RPSA2: variants seen among roughly 807,000 people sequenced by gnomAD.
RPSA2 encodes the protein ribosomal protein SA 2.
the RPSA2 span, among the ~76,000 whole-genome samples, chr19:23,761,921 T>TCTCTCTCTCTCTCTCGCTCTCTCTCTC: frequency 6.6e-4 from 50 of 76,192 alleles, 5 homozygotes; most frequent in Non-Finnish European, 9.6e-4. Flanking sequence ...TCTTTCTTTC[T>TCTCTCTCTCTCTCTCGCTCTCTCTCTC]TTTTTTTTTT....
At chr19:23,854,287 C>T in the RPSA2 span, among the ~76,000 whole-genome samples, 26 of 152,268 alleles carry the variant, frequency 1.7e-4, no homozygotes, top group Middle Eastern at 3.4e-3. Context: ...CAGTGACCCC[C>T]GTGGGGACAA....
At chr19:23,857,996 T>C in the RPSA2 span, among the ~76,000 whole-genome samples, 1 of 152,102 alleles carries the variant, frequency 6.6e-6, no homozygotes, top group African/African-American at 2.4e-5. Flanking sequence ...GAGAAAGCTT[T>C]TTTTTAAATT....
the RPSA2 span, chr19:23,842,799 A>G: frequency 1.3e-5 from 2 of 152,192 alleles, no homozygotes; most frequent in African/African-American, 4.8e-5. Context: ...GGAAAACTTG[A>G]CGGTTTATTG....
the RPSA2 span, among the ~76,000 whole-genome samples, chr19:23,829,153 C>T: frequency 6.6e-6 from 1 of 152,200 alleles, no homozygotes. Flanking sequence ...GGAATGTCTA[C>T]TTCCATCCTG....
At chr19:23,766,544 T>C in the RPSA2 span, among the ~76,000 whole-genome samples, 1 of 148,966 alleles carries the variant, frequency 6.7e-6, no homozygotes, top group Admixed American at 6.8e-5. Context: ...AAGCTCCGCC[T>C]CCCGGGTTCA....
the RPSA2 span, among the ~76,000 whole-genome samples, chr19:23,810,832 A>G: frequency 6.6e-6 from 1 of 152,250 alleles, no homozygotes; most frequent in Admixed American, 6.5e-5. Context: ...TAAGTTCAGA[A>G]TTCTCACTGG....
At chr19:23,765,398 A>G in the RPSA2 span, among the ~76,000 whole-genome samples, 1 of 152,230 alleles carries the variant, frequency 6.6e-6, no homozygotes, top group Non-Finnish European at 1.5e-5. Context: ...CTAAATGCCT[A>G]TCAGTGATAG....
chr19:23,832,141 T>C, the RPSA2 span: 1 of 420,620 alleles, frequency 2.4e-6, no homozygotes, highest in Non-Finnish European at 4.8e-6. Context: ...ACTTTACAGA[T>C]GTGAAGAATG....
At chr19:23,859,736 C>T in the RPSA2 span, among the ~76,000 whole-genome samples, 4 of 152,286 alleles carry the variant, frequency 2.6e-5, no homozygotes, top group East Asian at 1.9e-4. Flanking sequence ...TTACAGTAAT[C>T]GTTTGTCCAA....
the RPSA2 span, among the ~76,000 whole-genome samples, chr19:23,802,837 CAT>C: frequency 2.2e-3 from 340 of 152,248 alleles, 1 homozygote; most frequent in Non-Finnish European, 3.2e-3. Context: ...AATAAATAGA[CAT>C]GTGCAAAAAT....
chr19:23,830,119 T>G, the RPSA2 span, among the ~76,000 whole-genome samples: 4 of 152,226 alleles, frequency 2.6e-5, no homozygotes, highest in South Asian at 8.3e-4. Context: ...GTATTTTTTT[T>G]AACAACTTTT....
chr19:23,819,830 G>C, the RPSA2 span, among the ~76,000 whole-genome samples: 1 of 152,126 alleles, frequency 6.6e-6, no homozygotes. Context: ...TTGAGTGTCT[G>C]GTTCATGTGT....
chr19:23,812,388 C>CTTTTTTTTTTTTTTTTTTTTTTTTTTT, the RPSA2 span, among the ~76,000 whole-genome samples: 4 of 114,182 alleles, frequency 3.5e-5, no homozygotes, highest in African/African-American at 1.0e-4. Context: ...CTCTTTTTCT[C>CTTTTTTTTTTTTTTTTTTTTTTTTTTT]TTTTTTTTTT....
At chr19:23,784,363 G>A in the RPSA2 span, among the ~76,000 whole-genome samples, 3 of 152,200 alleles carry the variant, frequency 2.0e-5, no homozygotes, top group South Asian at 2.1e-4. Context: ...ACTGGGTGAG[G>A]TCCTGAATCT....
At chr19:23,855,083 G>A in the RPSA2 span, among the ~76,000 whole-genome samples, 1 of 152,104 alleles carries the variant, frequency 6.6e-6, no homozygotes, top group African/African-American at 2.4e-5. Flanking sequence ...AGCTTGGCCT[G>A]GGGCACGTAA....
the RPSA2 span, among the ~76,000 whole-genome samples, chr19:23,834,602 T>C: frequency 6.6e-6 from 1 of 152,106 alleles, no homozygotes; most frequent in East Asian, 1.9e-4. Flanking sequence ...ATTAGGTTAG[T>C]AATGTTATTT....
At chr19:23,784,857 C>T in the RPSA2 span, among the ~76,000 whole-genome samples, 6 of 152,304 alleles carry the variant, frequency 3.9e-5, no homozygotes, top group Non-Finnish European at 5.9e-5. Flanking sequence ...TGTGACTGCA[C>T]TGACGGTCTG....
At chr19:23,866,789 G>A in the RPSA2 span, among the ~76,000 whole-genome samples, 1 of 152,180 alleles carries the variant, frequency 6.6e-6, no homozygotes, top group Admixed American at 6.5e-5. Flanking sequence ...ACCAGAGATA[G>A]AATTACATTA....
At chr19:23,863,049 G>A in the RPSA2 span, among the ~76,000 whole-genome samples, 30 of 152,148 alleles carry the variant, frequency 2.0e-4, no homozygotes, top group African/African-American at 7.2e-4. Flanking sequence ...GGTAGCTAGT[G>A]CTCAATAACT....
Sources: gnomAD v4.1 joint callset for allele counts (sites outside exome capture counted in the v4.1 genomes callset) on GRCh38, gnomAD v4.1.1 for gene constraint, MANE v1.5 for transcripts, NCBI Gene and HGNC (gene_info 2026-07-23, HGNC 2026-07-21) for gene names.